BLTP1: variants seen among roughly 807,000 people sequenced by gnomAD.
The protein encoded by BLTP1 is fragile site-associated protein.
the BLTP1 span, chr4:122,192,515 C>G: frequency 1.6e-6 from 1 of 623,790 alleles, no homozygotes; most frequent in Non-Finnish European, 2.6e-6. Flanking sequence ...CATTTTGATC[C>G]AAAGAAAAAC....
At chr4:122,224,461 C>T in the BLTP1 span, 5 of 1,580,266 alleles carry the variant, frequency 3.2e-6, 1 homozygote, top group South Asian at 5.9e-5. Context: ...ATGTGATTTT[C>T]TTATACATTT....
At chr4:122,197,927 G>A in the BLTP1 span, 1 of 974,814 alleles carries the variant, frequency 1.0e-6, no homozygotes, top group Non-Finnish European at 1.2e-6. Flanking sequence ...ATTGAGAGCA[G>A]TTAAGATGAA....
the BLTP1 span, chr4:122,179,894 C>T: frequency 1.0e-6 from 1 of 985,264 alleles, no homozygotes; most frequent in Non-Finnish European, 1.2e-6. Context: ...CCCCCACATA[C>T]AGACAGGGGT....
the BLTP1 span, chr4:122,288,638 C>G: frequency 4.3e-6 from 1 of 232,494 alleles, no homozygotes; most frequent in Non-Finnish European, 6.9e-6. Context: ...GGTGACAGAG[C>G]AAGACTCCGT....
the BLTP1 span, chr4:122,254,386 T>C: frequency 6.8e-7 from 1 of 1,475,690 alleles, no homozygotes; most frequent in Non-Finnish European, 9.4e-7. Context: ...GCTTGATGTT[T>C]CTTTATTTTA....
At chr4:122,189,188 C>T in the BLTP1 span, 1 of 798,820 alleles carries the variant, frequency 1.3e-6, no homozygotes, top group Non-Finnish European at 1.5e-6. Flanking sequence ...GTGGAGATTA[C>T]ATGATGATAT....
chr4:122,226,472 T>G, the BLTP1 span: 1 of 1,267,690 alleles, frequency 7.9e-7, no homozygotes. Flanking sequence ...CAGTTGCAAT[T>G]AGTTTTCATT....
chr4:122,174,648 A>G, the BLTP1 span: 8 of 1,585,280 alleles, frequency 5.0e-6, no homozygotes, highest in Admixed American at 1.8e-5. Context: ...AGACATGTCT[A>G]TTAGGTAACA....
the BLTP1 span, among the ~76,000 whole-genome samples, chr4:122,296,979 C>G: frequency 6.6e-6 from 1 of 152,218 alleles, no homozygotes; most frequent in East Asian, 1.9e-4. Flanking sequence ...AGAAGAAAAT[C>G]TAGACAATAC....
the BLTP1 span, among the ~76,000 whole-genome samples, chr4:122,282,326 A>AT: frequency 3.3e-5 from 5 of 152,184 alleles, no homozygotes; most frequent in Non-Finnish European, 7.3e-5. Context: ...TAGCCTAAGA[A>AT]TTGGCACATT....
the BLTP1 span, among the ~76,000 whole-genome samples, chr4:122,332,691 T>C: frequency 1.4e-5 from 2 of 147,482 alleles, no homozygotes; most frequent in African/African-American, 5.0e-5. Flanking sequence ...GCAGGTTAGT[T>C]ACATATGTAT....
the BLTP1 span, among the ~76,000 whole-genome samples, chr4:122,155,498 A>G: frequency 6.6e-6 from 1 of 151,800 alleles, no homozygotes; most frequent in African/African-American, 2.4e-5. Flanking sequence ...CAATTTTTGT[A>G]TTTTTGGTAG....
At chr4:122,273,382 G>A in the BLTP1 span, 4 of 984,824 alleles carry the variant, frequency 4.1e-6, no homozygotes, top group African/African-American at 7.0e-5. Context: ...AAATTAGGTG[G>A]ACTGACTGCA....
chr4:122,330,121 T>C, the BLTP1 span, among the ~76,000 whole-genome samples: 4 of 151,876 alleles, frequency 2.6e-5, no homozygotes, highest in Non-Finnish European at 5.9e-5. Flanking sequence ...TTAATTCATT[T>C]GTCTGTCAAT....
chr4:122,337,456 G>C, the BLTP1 span, among the ~76,000 whole-genome samples: 1 of 152,040 alleles, frequency 6.6e-6, no homozygotes, highest in Non-Finnish European at 1.5e-5. Flanking sequence ...CAGAATGGTT[G>C]TATGGGTCCT....
the BLTP1 span, among the ~76,000 whole-genome samples, chr4:122,270,156 C>T: frequency 6.6e-6 from 1 of 152,074 alleles, no homozygotes; most frequent in African/African-American, 2.4e-5. Context: ...ACATAAATTA[C>T]ACTACAATGG....
the BLTP1 span, among the ~76,000 whole-genome samples, chr4:122,157,601 C>A: frequency 2.0e-5 from 3 of 152,166 alleles, no homozygotes; most frequent in Non-Finnish European, 4.4e-5. Flanking sequence ...GTAATCCTCA[C>A]TCACCTCCTG....
At chr4:122,281,940 TC>T in the BLTP1 span, 1 of 982,776 alleles carries the variant, frequency 1.0e-6, no homozygotes, top group Non-Finnish European at 1.2e-6. Flanking sequence ...AAAATATCAA[TC>T]CCCCACCCCA....
chr4:122,186,998 A>G, the BLTP1 span: 2 of 984,830 alleles, frequency 2.0e-6, no homozygotes, highest in Non-Finnish European at 2.4e-6. Context: ...AAGAGGAGCA[A>G]CTGGATTGTT....
Sources: gnomAD v4.1 joint callset for allele counts (sites outside exome capture counted in the v4.1 genomes callset) on GRCh38, gnomAD v4.1.1 for gene constraint, MANE v1.5 for transcripts, NCBI Gene and HGNC (gene_info 2026-07-23, HGNC 2026-07-21) for gene names.